Variants in CLCF1 observed in about 807,000 individuals in gnomAD.
The protein encoded by CLCF1 is cardiotrophin like cytokine factor 1, also known as cardiotrophin-like cytokine factor 1.
A neutral mutation model predicts 21.2 loss-of-function variants in CLCF1; 10 were observed. The observed-to-expected ratio is 0.47, with a 90% CI of 0.29 to 0.80. CLCF1 has a LOEUF of 0.80. Ranked by LOEUF, CLCF1 falls within the 30% of genes least tolerant of loss-of-function variation. The pLI, the probability that CLCF1 is intolerant of heterozygous loss-of-function variation, is 0.09. For synonymous variants in CLCF1, 115 were observed against 120.5 expected (o/e 0.95, Z 0.30); for missense variants, 240 against 293.4 (o/e 0.82, Z 1.33).
rs576604539 is a variant in CLCF1 at position 67,367,664 on chromosome 11, G to A, written c.17-38C>T. 3.2e-5 allele frequency: 51 copies of A among 1,599,508 alleles called. 1 individual carries two copies. The highest frequency in any genetic ancestry group is 4.4e-4 in the Middle Eastern group (2 of 4,578). On this transcript the variant is annotated intron_variant, in intron 1 of 2. Coordinates refer to ENST00000312438, the MANE Select transcript of CLCF1 (RefSeq NM_013246.3). The stretch of plus-strand genomic sequence containing the variant: ...TGGACGAGAAGCATGAGCGCGGCCC[G>A]GGCCCACACGGGGAAGCAGCTGGCA...
Position 67,365,180 on chromosome 11 carries a change from G to A in CLCF1, c.634C>T (p.Pro212Ser), listed in dbSNP as rs557074766. 1.2e-5 allele frequency: 20 copies of A among 1,614,062 alleles called. No individual in the cohort carries two copies. In the South Asian group the frequency reaches 2.2e-4, roughly 18 times the overall value. Residue 212 changes from proline to serine, a missense_variant, in exon 3 of 3, where the codon CCA (proline) becomes TCA (serine). Physicochemically the swap from Pro to Ser is moderately conservative, Grantham distance 74 (BLOSUM62 -1). Coordinates refer to ENST00000312438, the MANE Select transcript of CLCF1 (RefSeq NM_013246.3). The surrounding 1 kb of genome is among the most constrained non-coding windows in gnomAD (Gnocchi z 5.0). ...FNRLKKKMQPPAAAVTLHLGA... is the reference protein window; with the variant it reads ...FNRLKKKMQPSAAAVTLHLGA... Reference sequence around the variant, plus strand: ...AGGTGCAGGGTGACTGCAGCTGCTGGAGGCTGCATCTTCTTCTTGAGCCGG... The same window carrying A: ...AGGTGCAGGGTGACTGCAGCTGCTGAAGGCTGCATCTTCTTCTTGAGCCGG...
At chr11:67,367,361 C>T (rs1375995327) in intron 2 of CLCF1, 99 bp downstream of exon 2, 1 of 1,583,038 alleles carries the variant, frequency 6.3e-7, no homozygotes, top group Non-Finnish European at 8.6e-7. Context: ...AAGAGCCCCT[C>T]CTCACCCCAT....
In CLCF1 at chr11:67,365,310, A is replaced by T. The variant is rs1326418574; in HGVS notation, c.504T>A (p.Thr168=). The T allele has an allele frequency of 6.2e-7, 1 of 1,613,858 alleles. No individual in the cohort carries two copies. Among genetic ancestry groups the T allele is most frequent in the Non-Finnish European group, 8.5e-7 (1 of 1,180,040 alleles). ...CACTGTGGGCAGGGCCAGGAGTCCA[A>T]GTGGGTTCAGTCCCAGGCAGCGGCT... ...LPQPLPGTEP[T]WTPGPAHSDF... The change falls in exon 3 of 3, where the codon ACT becomes ACA. Residue 168 remains threonine, a synonymous_variant. Coordinates refer to ENST00000312438, the MANE Select transcript of CLCF1 (RefSeq NM_013246.3). This position sits in a 1 kb window ranked among gnomAD's most constrained non-coding sequence, Gnocchi z 5.0.
intron 1 of CLCF1, chr11:67,368,570 A>C: frequency 1.0e-6 from 1 of 985,390 alleles, no homozygotes; most frequent in Non-Finnish European, 1.2e-6. Flanking sequence ...CAAGGTGAGG[A>C]TTCAGTGGAC....
In CLCF1 at chr11:67,372,969, G is replaced by GGCCCA. The variant is rs1290303469; in HGVS notation, c.16+550_16+554dup. Among the ~76,000 whole-genome samples the GGCCCA allele has an allele frequency of 6.7e-6, 1 of 149,086 alleles. No homozygotes were observed. The highest frequency in any genetic ancestry group is 2.5e-5 in the African/African-American group (1 of 40,652). The stretch of plus-strand genomic sequence containing the variant: ...CGGCGCGGCTCGGCCCGTCCGGCCC[G>GGCCCA]GCCCAGCCAGGCTCGGCGCTGCCCT... On this transcript the variant is annotated intron_variant, in intron 1 of 2. Transcript: ENST00000312438. This position sits in a 1 kb window ranked among gnomAD's most constrained non-coding sequence, Gnocchi z 5.9.
intron 1 of CLCF1, among the ~76,000 whole-genome samples, chr11:67,371,268 A>C (rs1169972094): frequency 6.6e-6 from 1 of 152,180 alleles, no homozygotes; most frequent in Non-Finnish European, 1.5e-5. Context: ...GCCACTGAGA[A>C]GTAGCTTGGT....
chr11:67,365,356 G>A lies in CLCF1; in HGVS notation c.458C>T (p.Ala153Val). 6.2e-7 allele frequency: 1 copy of A among 1,612,820 alleles called. No homozygotes were observed. Among genetic ancestry groups the A allele is most frequent in the Non-Finnish European group, 8.5e-7 (1 of 1,179,732 alleles). ...LLGSIAGVMA[A>V]LGYPLPQPLP... Reference sequence around the variant, plus strand: ...CGGCTGGGGCAGTGGGTAGCCCAGAGCTGCCATGACGCCCGCAATGCTGCC... The same window carrying A: ...CGGCTGGGGCAGTGGGTAGCCCAGAACTGCCATGACGCCCGCAATGCTGCC... Residue 153 changes from alanine to valine, a missense_variant, in exon 3 of 3, where the codon GCT becomes GTT. Transcript: ENST00000312438. The surrounding 1 kb of genome is among the most constrained non-coding windows in gnomAD (Gnocchi z 5.0).
intron 1 of CLCF1, chr11:67,368,326 C>T (rs895162054): frequency 4.8e-5 from 47 of 985,212 alleles, no homozygotes; most frequent in Non-Finnish European, 5.3e-5. Context: ...AGGTTCACCC[C>T]GTTCTTGGTG....
chr11:67,370,636 T>C, intron 1 of CLCF1: 5 of 977,628 alleles, frequency 5.1e-6, no homozygotes, highest in Non-Finnish European at 6.0e-6. Context: ...ACACACTCTC[T>C]CTCTCTTAGC....
Position 67,367,288 on chromosome 11 carries a change from T to TG in CLCF1, c.183+171dup, listed in dbSNP as rs1271312479. ...AGTCCTGGGGCCAGGGATGGGGAAG[T>TG]GGGGGGGCCACCTAAGAGGGAAGGG... On this transcript the variant is annotated intron_variant, in intron 2 of 2. Transcript: ENST00000312438. Among the ~76,000 whole-genome samples, 17 of 151,694 alleles carry TG rather than the reference T, an allele frequency of 1.1e-4. 1 individual carries two copies. The East Asian group carries it at 2.9e-3, about 26-fold the overall frequency.
At position 67,365,727 on chromosome 11, in the gene CLCF1, C is replaced by T. The variant is rs546587564; in HGVS notation, c.184-97G>A. On this transcript the variant is annotated intron_variant, in intron 2 of 2. Coordinates refer to ENST00000312438, the MANE Select transcript of CLCF1 (RefSeq NM_013246.3). The surrounding 1 kb of genome is among the most constrained non-coding windows in gnomAD (Gnocchi z 5.0). ...TCCCAAAGTTTCTATTTTTTGTGTC[C>T]CCTGACACTGGCCCTGTCTCCATGC... 1 of 1,492,574 alleles carries T rather than the reference C, an allele frequency of 6.7e-7. No homozygotes were observed. Among genetic ancestry groups the T allele is most frequent in the African/African-American group, 1.4e-5 (1 of 71,354 alleles). The allele number at this position is 1,492,574 out of a possible 1,614,324, so 92.5% of individuals were successfully genotyped here.
Position 67,364,913 on chromosome 11 carries a change from A to G in CLCF1, c.*223T>C, listed in dbSNP as rs1238034337. The stretch of plus-strand genomic sequence containing the variant: ...TCCCTCGAGCATGACTTCCTGTAGA[A>G]ACAGGACAGGACAGGGCCTACTGTA... On this transcript the variant is annotated 3_prime_UTR_variant, in exon 3 of 3. Transcript: ENST00000312438. 7.6e-6 allele frequency: 5 copies of G among 659,818 alleles called. No individual in the cohort carries two copies. The highest frequency in any genetic ancestry group is 1.3e-5 in the Non-Finnish European group (5 of 399,110). 40.9% of individuals were successfully genotyped at this position (659,818 alleles called of 1,614,324 possible). A position where few individuals can be genotyped will look rare whatever the true frequency, so the allele number is the denominator to read the frequency against.
chr11:67,373,801 A>C, upstream of CLCF1: 16 of 658,298 alleles, frequency 2.4e-5, no homozygotes, highest in South Asian at 6.8e-5. Context: ...GGAGGAGGGA[A>C]GGGAGGGCTT....
intron 2 of CLCF1, among the ~76,000 whole-genome samples, chr11:67,366,042 G>C (rs1862089775): frequency 6.6e-6 from 1 of 152,198 alleles, no homozygotes; most frequent in African/African-American, 2.4e-5. Context: ...AGGAGTTCGA[G>C]AAGGCAGCAG....
At chr11:67,373,165 C>T (rs1324532424) in intron 1 of CLCF1, among the ~76,000 whole-genome samples, 1 of 151,942 alleles carries the variant, frequency 6.6e-6, no homozygotes, top group Admixed American at 6.5e-5. Context: ...CCCCTCCTCC[C>T]ACCCGCAGCC....
upstream of CLCF1, chr11:67,373,747 A>G: frequency 4.6e-6 from 5 of 1,083,384 alleles, no homozygotes; most frequent in South Asian, 2.2e-4. Context: ...TAAAGCTGTA[A>G]CCACAAATTG....
intron 1 of CLCF1, chr11:67,369,935 G>C (rs1012616027): frequency 1.0e-6 from 1 of 985,284 alleles, no homozygotes; most frequent in South Asian, 4.7e-5. Context: ...AGAAAAAAAC[G>C]GCTCATGAAA....
In CLCF1 at chr11:67,365,183, G is replaced by C. The variant is rs748903281; in HGVS notation, c.631C>G (p.Pro211Ala). ...TGCAGGGTGACTGCAGCTGCTGGAG[G>C]CTGCATCTTCTTCTTGAGCCGGTTG... ...DFNRLKKKMQPPAAAVTLHLG... is the reference protein window; with the variant it reads ...DFNRLKKKMQAPAAAVTLHLG... Residue 211 changes from proline to alanine, a missense_variant, in exon 3 of 3, where the codon CCT (proline) becomes GCT (alanine). Transcript: ENST00000312438. This position sits in a 1 kb window ranked among gnomAD's most constrained non-coding sequence, Gnocchi z 5.0. 6.2e-7 allele frequency: 1 copy of C among 1,614,056 alleles called. No homozygotes were observed. Among genetic ancestry groups the C allele is most frequent in the South Asian group, 1.1e-5 (1 of 91,084 alleles).
At chr11:67,370,620 A>G in intron 1 of CLCF1, 1 of 978,030 alleles carries the variant, frequency 1.0e-6, no homozygotes, top group Non-Finnish European at 1.2e-6. Context: ...GAACACACAC[A>G]CACACACACA....
Sources: allele counts gnomAD v4.1 joint callset (sites outside exome capture counted in the v4.1 genomes callset), GRCh38; gene constraint gnomAD v4.1.1; non-coding constraint Gnocchi (gnomAD v3.1); transcripts MANE v1.5; gene names NCBI Gene and HGNC (gene_info 2026-07-23, HGNC 2026-07-21).